MRTFB: variants seen among roughly 807,000 people sequenced by gnomAD.
MRTFB encodes myocardin-related transcription factor B.
In MRTFB, 29 loss-of-function variants were observed where a neutral mutation model predicts 104.2. The ratio of observed to expected loss-of-function variants is 0.28; its 90% CI spans 0.21 to 0.38. The LOEUF is 0.38. Among genes scored for constraint, MRTFB ranks in the 10% least tolerant of loss-of-function variants. The probability of loss-of-function intolerance (pLI) is 1.00; values close to 1 mark genes in which losing one functional copy is unlikely to be tolerated. For missense variants in MRTFB, 1,270 were observed against 1,341.6 expected (o/e 0.95, Z 0.83); for synonymous variants, 535 against 519.5 (o/e 1.03, Z -0.41).
chr16:14,242,431 A>G lies in MRTFB; in HGVS notation c.1079+1947A>G, dbSNP rs571615806. 3.1e-4 allele frequency among the ~76,000 whole-genome samples: 47 copies of G among 152,354 alleles called. 3 individuals carry two copies. The East Asian group carries it at 3.9e-3, about 12-fold the overall frequency. ...ATTTTTGTGTATTATTTAACCACAA[A>G]AAGAATATAAGTCCTGTTCAATTTC... On this transcript the variant is annotated intron_variant, in intron 10 of 16. Coordinates refer to ENST00000571589, the MANE Select transcript of MRTFB (RefSeq NM_001308142.2).
chr16:14,108,162 C>G (rs906578060), intron 2 of MRTFB, among the ~76,000 whole-genome samples: 1 of 152,148 alleles, frequency 6.6e-6, no homozygotes, highest in Non-Finnish European at 1.5e-5. Context: ...TCTGAAAGAA[C>G]TGCTGGGCCC....
intron 8 of MRTFB, among the ~76,000 whole-genome samples, chr16:14,222,975 G>A (rs373650682): frequency 0.028 from 4,295 of 151,838 alleles, 69 homozygotes; most frequent in Middle Eastern, 0.086. Flanking sequence ...AAATCCAACA[G>A]TTCAAGTCCA....
At chr16:13,998,406 A>T in the MRTFB span, among the ~76,000 whole-genome samples, 3 of 152,100 alleles carry the variant, frequency 2.0e-5, no homozygotes, top group African/African-American at 7.2e-5. Context: ...TATAATCCCA[A>T]CACTTTGGGA....
intron 3 of MRTFB, among the ~76,000 whole-genome samples, chr16:14,201,579 C>G (rs2040706433): frequency 6.6e-6 from 1 of 152,154 alleles, no homozygotes; most frequent in African/African-American, 2.4e-5. Flanking sequence ...TGTAAGAAGT[C>G]ATCTACTTAA....
intron 2 of MRTFB, among the ~76,000 whole-genome samples, chr16:14,109,114 T>C (rs1448081453): frequency 6.6e-6 from 1 of 152,246 alleles, no homozygotes; most frequent in Non-Finnish European, 1.5e-5. Context: ...AATTTCTTCA[T>C]TGTTTCTTAG....
At position 14,265,161 on chromosome 16, in the gene MRTFB, G is replaced by T; in HGVS notation, c.*3717G>T. 6.6e-6 allele frequency: 1 copy of T among 152,308 alleles called. No homozygotes were observed. Among genetic ancestry groups the T allele is most frequent in the African/African-American group, 2.4e-5 (1 of 41,562 alleles). The allele number at this position is 152,308 out of a possible 1,614,324, so 9.4% of individuals were successfully genotyped here. A position where few individuals can be genotyped will look rare whatever the true frequency, so the allele number is the denominator to read the frequency against. ...ACTCAGGTGGGGAGCTCATGGTGCCGCTGGGGACTTTTTAGAGAAATGTAA... is the reference window on the plus strand; with the variant it reads ...ACTCAGGTGGGGAGCTCATGGTGCCTCTGGGGACTTTTTAGAGAAATGTAA... On this transcript the variant is annotated 3_prime_UTR_variant, in exon 17 of 17. Coordinates refer to ENST00000571589, the MANE Select transcript of MRTFB (RefSeq NM_001308142.2).
In MRTFB at chr16:14,261,557, C is replaced by A. The variant is rs537760125; in HGVS notation, c.*113C>A. On this transcript the variant is annotated 3_prime_UTR_variant, in exon 17 of 17. Coordinates refer to ENST00000571589, the MANE Select transcript of MRTFB (RefSeq NM_001308142.2). ...CATTGTTGCAATCAAAATATGTTGT[C>A]ACAGAAAGAATAGGTGGAAGGTCAT... 45 of 1,128,610 alleles carry A rather than the reference C, an allele frequency of 4.0e-5. No homozygotes were observed. In the African/African-American group the frequency reaches 6.5e-4, roughly 16 times the overall value. The allele number at this position is 1,128,610 out of a possible 1,614,324, so 69.9% of individuals were successfully genotyped here. A position where few individuals can be genotyped will look rare whatever the true frequency, so the allele number is the denominator to read the frequency against.
At chr16:14,253,082 C>G (rs2043320221) in intron 15 of MRTFB, among the ~76,000 whole-genome samples, 1 of 152,140 alleles carries the variant, frequency 6.6e-6, no homozygotes, top group African/African-American at 2.4e-5. Context: ...CTGAGCCTTC[C>G]TTGTTTGACT....
chr16:14,017,711 A>ATATATATATATT, the MRTFB span, among the ~76,000 whole-genome samples: 1 of 33,612 alleles, frequency 3.0e-5, no homozygotes, highest in Non-Finnish European at 5.0e-5. Context: ...ATATATATAT[A>ATATATATATATT]TTTTTTTTTT....
intron 1 of MRTFB, among the ~76,000 whole-genome samples, chr16:14,077,886 A>G (rs2034159798): frequency 6.6e-6 from 1 of 152,340 alleles, no homozygotes; most frequent in East Asian, 1.9e-4. Flanking sequence ...AAGACATTAG[A>G]ATCCAAGTTA....
At chr16:14,193,534 T>C (rs888758501) in intron 3 of MRTFB, 3 of 152,288 alleles carry the variant, frequency 2.0e-5, no homozygotes, top group Admixed American at 6.5e-5. Flanking sequence ...CTTAGATCCT[T>C]TTAGTCTTTG....
At chr16:14,101,095 ACTCT>A (rs1247194662) in intron 2 of MRTFB, among the ~76,000 whole-genome samples, 2 of 100,358 alleles carry the variant, frequency 2.0e-5, no homozygotes, top group Non-Finnish European at 4.5e-5. Context: ...TTTTCTGCTT[ACTCT>A]CTCTGTGGGT....
At position 14,177,940 on chromosome 16, in the gene MRTFB, G is replaced by A. The variant is rs754303335; in HGVS notation, c.155-32303G>A. The stretch of plus-strand genomic sequence containing the variant: ...TGTGTGTGTGTGTGTGTGTGTGCAC[G>A]CATTGGTGGGTGTTTAGAGTTAATA... On this transcript the variant is annotated intron_variant, in intron 3 of 16. Coordinates refer to ENST00000571589, the MANE Select transcript of MRTFB (RefSeq NM_001308142.2). The surrounding 1 kb of genome is among the most constrained non-coding windows in gnomAD (Gnocchi z 4.7). Among the ~76,000 whole-genome samples the A allele has an allele frequency of 6.9e-6, 1 of 145,674 alleles. No individual in the cohort carries two copies. The highest frequency in any genetic ancestry group is 6.9e-5 in the Admixed American group (1 of 14,492).
At chr16:14,191,551 T>C (rs1372180910) in intron 3 of MRTFB, among the ~76,000 whole-genome samples, 19 of 152,204 alleles carry the variant, frequency 1.2e-4, no homozygotes, top group Non-Finnish European at 2.4e-4. Context: ...GGAGAAAGAA[T>C]TGTTGTCTGG....
chr16:14,054,113 T>G, the MRTFB span, among the ~76,000 whole-genome samples: 1 of 152,208 alleles, frequency 6.6e-6, no homozygotes, highest in African/African-American at 2.4e-5. Flanking sequence ...CACACCAAGC[T>G]CTTTCCTGAC....
At chr16:14,008,733 G>C in the MRTFB span, among the ~76,000 whole-genome samples, 1 of 152,088 alleles carries the variant, frequency 6.6e-6, no homozygotes. Context: ...CTGGTATTTT[G>C]AAAGGATGGC....
chr16:14,198,282 A>G (rs1025725082), intron 3 of MRTFB, among the ~76,000 whole-genome samples: 5 of 152,222 alleles, frequency 3.3e-5, no homozygotes, highest in Non-Finnish European at 7.3e-5. Context: ...TAGAGTTGCT[A>G]TGGACATGTG....
the MRTFB span, among the ~76,000 whole-genome samples, chr16:14,046,855 G>T: frequency 1.3e-5 from 2 of 152,324 alleles, 1 homozygote; most frequent in South Asian, 4.1e-4. Context: ...AATTCTTTAT[G>T]CAGTGATTAT....
intron 2 of MRTFB, among the ~76,000 whole-genome samples, chr16:14,106,359 A>G (rs1225537309): frequency 6.6e-6 from 1 of 152,232 alleles, no homozygotes; most frequent in South Asian, 2.1e-4. Flanking sequence ...GGGAAACTGC[A>G]TAGGTAAGGG....
Sources: gnomAD v4.1 joint callset for allele counts (sites outside exome capture counted in the v4.1 genomes callset) on GRCh38, gnomAD v4.1.1 for gene constraint, Gnocchi (gnomAD v3.1) non-coding constraint, MANE v1.5 for transcripts, NCBI Gene and HGNC (gene_info 2026-07-23, HGNC 2026-07-21) for gene names.